Variants in MGAT4D observed in about 807,000 individuals in gnomAD.
MGAT4D encodes the protein MGAT4 family member D, also known as alpha-1,3-mannosyl-glycoprotein 4-beta-N-acetylglucosaminyltransferase-like protein MGAT4D.
MGAT4D carries 34 observed loss-of-function variants against 15.9 expected under a neutral mutation model. The observed-to-expected ratio is 2.14, with a 90% CI of 1.62 to 2.84. The LOEUF is 2.84. Among genes scored for constraint, MGAT4D ranks in the 30% most tolerant of loss-of-function variants. The pLI, the probability that MGAT4D is intolerant of heterozygous loss-of-function variation, is 0.00. For synonymous variants in MGAT4D, 112 were observed against 48.2 expected (o/e 2.33, Z -5.49); for missense variants, 327 against 140.2 (o/e 2.33, Z -6.73).
At chr4:140,443,982 G>A (rs1280405476) in intron 10 of MGAT4D, among the ~76,000 whole-genome samples, 1 of 151,634 alleles carries the variant, frequency 6.6e-6, no homozygotes, top group Admixed American at 6.6e-5. Flanking sequence ...TAGTCAAAGG[G>A]GAAAAAACCC....
At chr4:140,456,836 G>T (rs2126703586) in intron 8 of MGAT4D, 117 bp from the exon 9 acceptor site, 1 of 498,900 alleles carries the variant, frequency 2.0e-6, no homozygotes, top group Admixed American at 3.6e-5. Context: ...TAGAAATAAA[G>T]ATTAAAGCAC....
At chr4:140,495,153 G>T (rs564410207) in intron 1 of MGAT4D, among the ~76,000 whole-genome samples, 281 of 152,240 alleles carry the variant, frequency 1.8e-3, no homozygotes, top group Non-Finnish European at 2.4e-3. Flanking sequence ...AACAAATCAA[G>T]GAGATTCCAC....
intron 1 of MGAT4D, among the ~76,000 whole-genome samples, chr4:140,490,939 C>G (rs568291324): frequency 7.2e-5 from 11 of 152,230 alleles, no homozygotes; most frequent in African/African-American, 2.6e-4. Flanking sequence ...TATAGTTATG[C>G]TATTGTACTA....
intron 9 of MGAT4D, among the ~76,000 whole-genome samples, chr4:140,455,658 CA>C (rs1730748842): frequency 6.6e-6 from 1 of 152,156 alleles, no homozygotes; most frequent in African/African-American, 2.4e-5. Context: ...AGAGAGAGGA[CA>C]GTTGAAATCT....
chr4:140,455,064 T>C (rs1450803440), intron 9 of MGAT4D, among the ~76,000 whole-genome samples: 1 of 152,152 alleles, frequency 6.6e-6, no homozygotes, highest in African/African-American at 2.4e-5. Flanking sequence ...TTTTTATGCT[T>C]TTAATTTTGC....
chr4:140,443,689 G>T (rs1480238335), intron 10 of MGAT4D, among the ~76,000 whole-genome samples: 1 of 152,048 alleles, frequency 6.6e-6, no homozygotes, highest in Non-Finnish European at 1.5e-5. Context: ...ATTTCCATCT[G>T]TGGGATTCCG....
intron 3 of MGAT4D, among the ~76,000 whole-genome samples, chr4:140,476,158 C>T (rs1307308360): frequency 6.6e-6 from 1 of 152,102 alleles, no homozygotes; most frequent in East Asian, 1.9e-4. Flanking sequence ...CTTGTTTAAG[C>T]TATTGCCCAT....
rs1157247531 is a variant in MGAT4D at position 140,482,432 on chromosome 4, G to A, written c.148C>T (p.Leu50=). 1 of 634,062 alleles carries A rather than the reference G, an allele frequency of 1.6e-6. No individual in the cohort carries two copies. The highest frequency in any genetic ancestry group is 2.8e-6 in the Non-Finnish European group (1 of 358,574). The allele number at this position is 634,062 out of a possible 1,614,324, so 39.3% of individuals were successfully genotyped here. Residue 50 remains leucine (L), a synonymous_variant, in exon 2 of 11, where the codon CTA becomes TTA. Transcript: ENST00000511113. ...TTTTCAGTTTTGTTTCTTAAGTGTA[G>A]CATATTTTCTTTAAACTCCAAAATA... ...NHILEFKENM[L]HLRNKTEKNT...
intron 10 of MGAT4D, among the ~76,000 whole-genome samples, chr4:140,444,227 T>C (rs1474683134): frequency 6.6e-6 from 1 of 152,148 alleles, no homozygotes; most frequent in African/African-American, 2.4e-5. Flanking sequence ...TTAAAAAAGC[T>C]TTCATTTTAG....
At chr4:140,448,718 C>T (rs947845957) in intron 10 of MGAT4D, among the ~76,000 whole-genome samples, 4 of 152,146 alleles carry the variant, frequency 2.6e-5, no homozygotes, top group African/African-American at 9.7e-5. Flanking sequence ...CCATTTCAGC[C>T]TGATTAAGAG....
chr4:140,456,107 C>A (rs1207860261), intron 9 of MGAT4D, among the ~76,000 whole-genome samples: 1 of 152,162 alleles, frequency 6.6e-6, no homozygotes, highest in Non-Finnish European at 1.5e-5. Flanking sequence ...CACTGCAATC[C>A]AGCCTGGGCT....
chr4:140,477,515 TG>T (rs1732415375), intron 3 of MGAT4D, among the ~76,000 whole-genome samples: 2 of 152,214 alleles, frequency 1.3e-5, no homozygotes, highest in South Asian at 4.1e-4. Context: ...AAATCAGTTA[TG>T]GTTTGCCAGA....
chr4:140,475,251 A>AAT (rs1732234997), intron 3 of MGAT4D, among the ~76,000 whole-genome samples: 1 of 152,214 alleles, frequency 6.6e-6, no homozygotes, highest in South Asian at 2.1e-4. Context: ...AGGTTCATCT[A>AAT]ACTGAGTATA....
intron 1 of MGAT4D, among the ~76,000 whole-genome samples, chr4:140,486,373 CTTTAAG>C (rs1196677820): frequency 6.6e-6 from 1 of 152,026 alleles, no homozygotes; most frequent in Non-Finnish European, 1.5e-5. Context: ...TTTAATTATA[CTTTAAG>C]TTCTGGGGTA....
chr4:140,457,655 A>G (rs980832893), intron 8 of MGAT4D: 1 of 152,192 alleles, frequency 6.6e-6, no homozygotes, highest in Admixed American at 6.5e-5. Context: ...TAAAACTTGA[A>G]TAAGATTTGG....
chr4:140,492,123 C>T (rs1250839564), intron 1 of MGAT4D, among the ~76,000 whole-genome samples: 2 of 152,098 alleles, frequency 1.3e-5, no homozygotes, highest in Non-Finnish European at 2.9e-5. Context: ...CCACTTCCTG[C>T]CTTTTAAAAG....
chr4:140,482,571 G>C (rs1236541235), intron 1 of MGAT4D, 86 bp from the exon 2 acceptor site: 1 of 533,858 alleles, frequency 1.9e-6, no homozygotes, highest in Non-Finnish European at 3.3e-6. Flanking sequence ...TAAAGTATAA[G>C]TTTCAATATA....
At chr4:140,444,148 C>T (rs1256615175) in intron 10 of MGAT4D, among the ~76,000 whole-genome samples, 1 of 152,014 alleles carries the variant, frequency 6.6e-6, no homozygotes, top group African/African-American at 2.4e-5. Context: ...TTATACTGTA[C>T]TAATATATCA....
chr4:140,478,690 T>C (rs1250716863), intron 3 of MGAT4D, among the ~76,000 whole-genome samples: 2 of 151,152 alleles, frequency 1.3e-5, no homozygotes, highest in Non-Finnish European at 2.9e-5. Flanking sequence ...AGATAAACGA[T>C]GTCATCAGAG....
Sources: gnomAD v4.1 joint callset for allele counts (sites outside exome capture counted in the v4.1 genomes callset) on GRCh38, gnomAD v4.1.1 for gene constraint, MANE v1.5 for transcripts, NCBI Gene and HGNC (gene_info 2026-07-23, HGNC 2026-07-21) for gene names.